Variants in NHSL2 observed in about 807,000 individuals in gnomAD.
NHSL2 encodes the protein NHS like 2.
NHSL2 carries 27 observed loss-of-function variants against 53.4 expected under a neutral mutation model. The ratio of observed to expected loss-of-function variants is 0.51; its 90% CI spans 0.37 to 0.70. The LOEUF (loss-of-function observed/expected upper bound fraction) is 0.70, where lower values mean the gene tolerates loss of function less well. Ranked by LOEUF, NHSL2 falls within the 30% of genes least tolerant of loss-of-function variation. The pLI is 0.00. For synonymous variants in NHSL2, 408 were observed against 404.1 expected (o/e 1.01, Z -0.12); for missense variants, 892 against 980.1 (o/e 0.91, Z 1.20).
At chrX:71,942,966 CTCTCTCTGTGTGTGTG>C (rs1356300774) in intron 1 of NHSL2, among the ~76,000 whole-genome samples, 1,626 of 31,529 alleles carry the variant, frequency 0.052, 27 homozygotes, top group African/African-American at 0.14. Context: ...CTCTCTCTCT[CTCTCTCTGTGTGTGTG>C]TGTGTGTGTG....
chrX:72,071,675 C>CCA (rs759820092), intron 1 of NHSL2, among the ~76,000 whole-genome samples: 1 of 111,185 alleles, frequency 9.0e-6, no homozygotes, highest in South Asian at 3.9e-4. Context: ...ACACTCACTC[C>CCA]CACTGGGCTA....
At chrX:72,109,519 G>T (rs946358803) in intron 1 of NHSL2, among the ~76,000 whole-genome samples, 1 of 111,898 alleles carries the variant, frequency 8.9e-6, no homozygotes, top group Non-Finnish European at 1.9e-5. Flanking sequence ...GCCTGGGATT[G>T]AGTGCAATGG....
In NHSL2 at chrX:71,910,992, G is replaced by A; in HGVS notation, c.-96G>A. On this transcript the variant is annotated 5_prime_UTR_variant, in exon 1 of 8. Transcript: ENST00000633930. ...CAGGGGCCTGCTACACCCGGAGCTG[G>A]GGCCGCCGCTCAGGGGCGCTCGGGC... 1 of 709,768 alleles carries A rather than the reference G, an allele frequency of 1.4e-6. No individual in the cohort carries two copies. Among genetic ancestry groups the A allele is most frequent in the East Asian group, 4.9e-5 (1 of 20,533 alleles). The allele number at this position is 709,768 out of a possible 1,213,427, so 58.5% of individuals were successfully genotyped here.
chrX:71,929,031 T>C (rs953002372), intron 1 of NHSL2, among the ~76,000 whole-genome samples: 1 of 111,667 alleles, frequency 9.0e-6, no homozygotes, highest in East Asian at 2.8e-4. Flanking sequence ...GATGGAGTCT[T>C]AAACATGAGG....
At chrX:72,083,395 G>T (rs1207941976) in intron 1 of NHSL2, among the ~76,000 whole-genome samples, 4 of 112,998 alleles carry the variant, frequency 3.5e-5, no homozygotes, top group East Asian at 5.5e-4. Context: ...GTGAGAAAAT[G>T]ATTCTCTTTT....
In NHSL2 at chrX:72,142,281, A is replaced by C; in HGVS notation, c.3273A>C (p.Lys1091Asn). ...AAGAAAAAAGTTTAATCAGTGATAA[A>C]ACAGCTGAATGGATTGCAGAGGATG... ...GTEEKSLISD[K>N]TAEWIAEDDD... Residue 1091 changes from lysine (K) to asparagine (N), a missense_variant, in exon 7 of 8, where the codon AAA (lysine) becomes AAC (asparagine). By Grantham distance (94) the Lys-to-Asn change is moderately conservative. Transcript: ENST00000633930. 8.6e-7 allele frequency: 1 copy of C among 1,159,807 alleles called. No homozygotes were observed. The highest frequency in any genetic ancestry group is 1.2e-6 in the Non-Finnish European group (1 of 866,169).
chrX:72,134,431 G>T (rs1602397882), intron 3 of NHSL2, 78 bp from the exon 4 acceptor site: 2 of 930,684 alleles, frequency 2.1e-6, no homozygotes, highest in South Asian at 4.7e-5. Flanking sequence ...CAACTACCCA[G>T]CCTAAACAGC....
intron 1 of NHSL2, among the ~76,000 whole-genome samples, chrX:71,943,445 A>T (rs1158031313): frequency 8.9e-6 from 1 of 112,903 alleles, no homozygotes; most frequent in Non-Finnish European, 1.9e-5. Flanking sequence ...TCCTTGGACT[A>T]TGGCTTCAGC....
intron 1 of NHSL2, among the ~76,000 whole-genome samples, chrX:71,970,122 T>C (rs778953913): frequency 8.9e-6 from 1 of 112,171 alleles, no homozygotes; most frequent in South Asian, 3.7e-4. Context: ...TGTTCATGTA[T>C]AATCTTTTTT....
intron 1 of NHSL2, among the ~76,000 whole-genome samples, chrX:72,052,309 C>G (rs2147930958): frequency 8.9e-6 from 1 of 112,429 alleles, no homozygotes; most frequent in East Asian, 2.8e-4. Context: ...ATGCTCAATT[C>G]CTAGTTTCTG....
At chrX:72,131,143 G>T (rs779530511) in intron 1 of NHSL2, 2 of 1,192,167 alleles carry the variant, frequency 1.7e-6, no homozygotes, top group Admixed American at 4.5e-5. Flanking sequence ...TGACGCGGGC[G>T]GAGGCAGCGC....
At chrX:71,988,022 T>TTAAG (rs1304633854) in intron 1 of NHSL2, among the ~76,000 whole-genome samples, 1 of 112,408 alleles carries the variant, frequency 8.9e-6, no homozygotes, top group East Asian at 2.8e-4. Context: ...GGTTACAAGG[T>TTAAG]TAAGCTCCCA....
At chrX:72,083,404 T>C (rs73223146) in intron 1 of NHSL2, among the ~76,000 whole-genome samples, 53 of 113,012 alleles carry the variant, frequency 4.7e-4, no homozygotes, top group Non-Finnish European at 7.9e-4. Flanking sequence ...TGATTCTCTT[T>C]TCCTTCTCTT....
chrX:72,140,932 G>A lies in NHSL2; in HGVS notation c.3223+161G>A, dbSNP rs931264123. On this transcript the variant is annotated intron_variant, in intron 6 of 7. Transcript: ENST00000633930. Reference sequence around the variant, plus strand: ...TTGAGTTACTCTAAATAGGAACCACGGGCTGGCCTTACTGCCCTTGAGATC... The same window carrying A: ...TTGAGTTACTCTAAATAGGAACCACAGGCTGGCCTTACTGCCCTTGAGATC... 51 of 445,829 alleles carry A rather than the reference G, an allele frequency of 1.1e-4. No homozygotes were observed. The East Asian group carries it at 1.7e-3, about 15-fold the overall frequency. 36.7% of individuals were successfully genotyped at this position (445,829 alleles called of 1,213,427 possible).
At chrX:72,042,236 G>A (rs1161987337) in intron 1 of NHSL2, among the ~76,000 whole-genome samples, 1 of 112,706 alleles carries the variant, frequency 8.9e-6, no homozygotes, top group African/African-American at 3.2e-5. Flanking sequence ...GATTTCAGCA[G>A]GAAAATATCT....
intron 1 of NHSL2, among the ~76,000 whole-genome samples, chrX:71,946,975 T>G (rs2041795602): frequency 8.9e-6 from 1 of 112,359 alleles, no homozygotes; most frequent in South Asian, 3.7e-4. Flanking sequence ...TGGTTCACCA[T>G]TGGCCAGTGG....
chrX:72,049,153 C>T (rs919368460), intron 1 of NHSL2, among the ~76,000 whole-genome samples: 5 of 110,544 alleles, frequency 4.5e-5, no homozygotes, highest in Non-Finnish European at 5.7e-5. Flanking sequence ...CAGGGAAGGC[C>T]CTGCTGTGAT....
chrX:71,999,352 C>T (rs2042063149), intron 1 of NHSL2, among the ~76,000 whole-genome samples: 2 of 112,515 alleles, frequency 1.8e-5, no homozygotes, highest in South Asian at 7.3e-4. Flanking sequence ...GGGGAAAAAA[C>T]CGTGAATGAA....
At chrX:71,936,605 C>G (rs1233696562) in intron 1 of NHSL2, among the ~76,000 whole-genome samples, 1 of 112,033 alleles carries the variant, frequency 8.9e-6, no homozygotes, top group Non-Finnish European at 1.9e-5. Flanking sequence ...TTTTTGTTTG[C>G]AAGGGAGTGC....
Sources: gnomAD v4.1 joint callset for allele counts (sites outside exome capture counted in the v4.1 genomes callset) on GRCh38, gnomAD v4.1.1 for gene constraint, MANE v1.5 for transcripts, NCBI Gene and HGNC (gene_info 2026-07-23, HGNC 2026-07-21) for gene names.